The following LIN7A variants were observed in gnomAD, a reference collection of about 807,000 sequenced individuals.
LIN7A encodes lin-7 cell polarity scaffold A.
In LIN7A, 25 loss-of-function variants were observed where a neutral mutation model predicts 29.8. That is an observed-to-expected ratio of 0.84 (90% CI 0.61 to 1.17). The LOEUF is 1.17. LIN7A is among the 50% of genes most tolerant of loss of function. The probability of loss-of-function intolerance (pLI) is 0.00; values close to 1 mark genes in which losing one functional copy is unlikely to be tolerated. For missense variants in LIN7A, 239 were observed against 287.0 expected (o/e 0.83, Z 1.21); for synonymous variants, 118 against 107.5 (o/e 1.10, Z -0.60).
At chr12:80,820,031 C>A in intron 4 of LIN7A, among the ~76,000 whole-genome samples, 2 of 152,296 alleles carry the variant, frequency 1.3e-5, no homozygotes, top group Middle Eastern at 3.4e-3. Flanking sequence ...GAATCCACTG[C>A]TGTTAATCAT....
chr12:80,865,756 A>T (rs1053153609), intron 2 of LIN7A, among the ~76,000 whole-genome samples: 3 of 152,218 alleles, frequency 2.0e-5, no homozygotes, highest in African/African-American at 7.2e-5. Flanking sequence ...GGAGAGGTAG[A>T]TGATGATAAG....
intron 1 of LIN7A, among the ~76,000 whole-genome samples, chr12:80,933,487 C>A (rs1474528612): frequency 6.6e-6 from 1 of 152,100 alleles, no homozygotes; most frequent in Non-Finnish European, 1.5e-5. Flanking sequence ...CTTCCTCGAC[C>A]AATGCTAACC....
rs1302951292 is a variant in LIN7A, at chr12:80,797,039, C to A, written c.*688G>T. 1 of 152,108 alleles carries A rather than the reference C, an allele frequency of 6.6e-6. No individual in the cohort carries two copies. The highest frequency in any genetic ancestry group is 2.4e-5 in the African/African-American group (1 of 41,432). 9.4% of individuals were successfully genotyped at this position (152,108 alleles called of 1,614,324 possible). On this transcript the variant is annotated 3_prime_UTR_variant, in exon 6 of 6. Transcript: ENST00000552864. ...AATAGATACAAGCAATAATTAAAAA[C>A]TACAGTGCTAGAGTTCCTACACTTG...
intron 1 of LIN7A, among the ~76,000 whole-genome samples, chr12:80,931,155 T>G (rs1877878991): frequency 6.6e-6 from 1 of 152,216 alleles, no homozygotes; most frequent in Non-Finnish European, 1.5e-5. Context: ...GAGCTAGGCC[T>G]TAGTTGTGAT....
intron 2 of LIN7A, among the ~76,000 whole-genome samples, chr12:80,858,903 C>T (rs1873733794): frequency 6.6e-6 from 1 of 152,016 alleles, no homozygotes; most frequent in Admixed American, 6.6e-5. Flanking sequence ...AATATATTAT[C>T]CAGGAACAAT....
chr12:80,878,574 G>C (rs1001378694), intron 2 of LIN7A, among the ~76,000 whole-genome samples: 2 of 152,182 alleles, frequency 1.3e-5, no homozygotes, highest in African/African-American at 4.8e-5. Context: ...ATTCTGAAGA[G>C]AGAAAGAACA....
intron 5 of LIN7A, among the ~76,000 whole-genome samples, chr12:80,803,657 C>T (rs1234737071): frequency 2.6e-5 from 4 of 151,810 alleles, no homozygotes; most frequent in Admixed American, 2.6e-4. Flanking sequence ...TTTCCTACTT[C>T]TGTGAAAAAT....
chr12:80,867,920 A>G (rs141149001), intron 2 of LIN7A, among the ~76,000 whole-genome samples: 29 of 152,322 alleles, frequency 1.9e-4, no homozygotes, highest in Admixed American at 1.8e-3. Flanking sequence ...TACATTTATT[A>G]TATCCTGTCA....
At chr12:80,807,071 T>TTTGTTTTTG (rs1555221346) in intron 5 of LIN7A, among the ~76,000 whole-genome samples, 1 of 111,868 alleles carries the variant, frequency 8.9e-6, no homozygotes, top group Non-Finnish European at 1.8e-5. Flanking sequence ...GAGTTTTTTT[T>TTTGTTTTTG]TTTTTTTTTT....
chr12:80,816,278 G>A (rs1871527475), intron 4 of LIN7A, among the ~76,000 whole-genome samples: 1 of 151,946 alleles, frequency 6.6e-6, no homozygotes, highest in Admixed American at 6.6e-5. Context: ...GGGGCGAGTG[G>A]CATGTGTCTG....
intron 2 of LIN7A, among the ~76,000 whole-genome samples, chr12:80,878,769 C>A (rs988550110): frequency 1.3e-5 from 2 of 152,152 alleles, no homozygotes; most frequent in African/African-American, 4.8e-5. Context: ...GTCCATTTTA[C>A]AAACCTCTAG....
chr12:80,848,091 A>T, intron 3 of LIN7A, 160 bp downstream of exon 3: 1 of 699,750 alleles, frequency 1.4e-6, no homozygotes, highest in East Asian at 2.7e-5. Context: ...TTCCATTAGG[A>T]TTTTTACCTG....
chr12:80,845,469 G>A (rs1592888918), intron 4 of LIN7A: 1 of 366,198 alleles, frequency 2.7e-6, no homozygotes, highest in African/African-American at 2.1e-5. Flanking sequence ...GAGTATTATG[G>A]GAAGAAAGTC....
chr12:80,907,002 T>C (rs1876509784), intron 1 of LIN7A, among the ~76,000 whole-genome samples: 2 of 151,718 alleles, frequency 1.3e-5, no homozygotes, highest in African/African-American at 4.8e-5. Context: ...CAACCTAAGT[T>C]TTATTTTCAG....
intron 1 of LIN7A, among the ~76,000 whole-genome samples, chr12:80,899,820 G>C (rs1876112344): frequency 7.5e-6 from 1 of 132,842 alleles, no homozygotes. Flanking sequence ...CCAGGCTGGA[G>C]TGCAGTGGCG....
At chr12:80,931,214 A>AATTT (rs1877884252) in intron 1 of LIN7A, among the ~76,000 whole-genome samples, 1 of 152,244 alleles carries the variant, frequency 6.6e-6, no homozygotes, top group Non-Finnish European at 1.5e-5. Flanking sequence ...CATAACTGAC[A>AATTT]GGAGCACACC....
intron 1 of LIN7A, among the ~76,000 whole-genome samples, chr12:80,929,930 C>T (rs902621472): frequency 8.5e-5 from 13 of 152,060 alleles, no homozygotes; most frequent in Non-Finnish European, 1.6e-4. Flanking sequence ...ATTTTTTCTT[C>T]ATTATTGTTA....
chr12:80,868,551 A>G (rs1427945904), intron 2 of LIN7A, among the ~76,000 whole-genome samples: 1 of 152,206 alleles, frequency 6.6e-6, no homozygotes, highest in African/African-American at 2.4e-5. Context: ...CTGGGCAACA[A>G]GAGCAAAACT....
chr12:80,859,793 A>G (rs2120393741), intron 2 of LIN7A, among the ~76,000 whole-genome samples: 1 of 152,208 alleles, frequency 6.6e-6, no homozygotes, highest in East Asian at 1.9e-4. Flanking sequence ...TAAGCAAGAA[A>G]TTAAAATGAT....
Sources: gnomAD v4.1 joint callset for allele counts (sites outside exome capture counted in the v4.1 genomes callset) on GRCh38, gnomAD v4.1.1 for gene constraint, MANE v1.5 for transcripts, NCBI Gene and HGNC (gene_info 2026-07-23, HGNC 2026-07-21) for gene names.